The following CLIC5 variants were observed in gnomAD, a reference collection of about 807,000 sequenced individuals.
CLIC5 encodes CLIC family member 5.
A neutral mutation model predicts 24.7 loss-of-function variants in CLIC5; 20 were observed. The observed-to-expected ratio is 0.81, with a 90% confidence interval of 0.57 to 1.18. The LOEUF (loss-of-function observed/expected upper bound fraction) is 1.18, where lower values mean the gene tolerates loss of function less well. Ranked by LOEUF, CLIC5 falls within the 50% of genes most tolerant of loss-of-function variation. CLIC5 has a pLI of 0.00. For synonymous variants in CLIC5, 159 were observed against 135.6 expected (o/e 1.17, Z -1.20); for missense variants, 341 against 326.1 (o/e 1.05, Z -0.35).
In CLIC5 at chr6:45,980,706, TA is replaced by T. The variant is rs940700803; in HGVS notation, c.64-25463del. Among the ~76,000 whole-genome samples the T allele has an allele frequency of 2.5e-3, 351 of 143,242 alleles. 1 individual carries two copies. Among genetic ancestry groups the T allele is most frequent in the Middle Eastern group, 0.018 (5 of 280 alleles). The allele number at this position is 143,242 out of a possible 152,430, so 94.0% of individuals were successfully genotyped here. On this transcript the variant is annotated intron_variant, in intron 1 of 5. Coordinates refer to ENST00000339561, the MANE Select transcript of CLIC5 (RefSeq NM_016929.5). Reference sequence around the variant, plus strand: ...GTATCGGTTGTATAATTCCAATAATTAAAAAAAAAAAACCTAGAAAGAAACC... The same window carrying T: ...GTATCGGTTGTATAATTCCAATAATTAAAAAAAAAAACCTAGAAAGAAACC...
intron 1 of CLIC5, among the ~76,000 whole-genome samples, chr6:45,977,180 C>CATCTT (rs1356172311): frequency 6.6e-6 from 1 of 152,032 alleles, no homozygotes; most frequent in Admixed American, 6.6e-5. Flanking sequence ...GTAACTTTTT[C>CATCTT]ATTCTTTATT....
chr6:46,125,913 G>C, the CLIC5 span, among the ~76,000 whole-genome samples: 1 of 152,192 alleles, frequency 6.6e-6, no homozygotes, highest in Non-Finnish European at 1.5e-5. Context: ...AAAAGTTTCA[G>C]AATTGAGTCT....
chr6:45,945,464 GC>G (rs576851299), intron 3 of CLIC5, among the ~76,000 whole-genome samples: 402 of 152,080 alleles, frequency 2.6e-3, no homozygotes, highest in African/African-American at 9.3e-3. Flanking sequence ...TGCAGGCCTG[GC>G]CCTGCAAAAC....
At chr6:45,974,960 A>G (rs1486372156) in intron 1 of CLIC5, among the ~76,000 whole-genome samples, 1 of 152,190 alleles carries the variant, frequency 6.6e-6, no homozygotes, top group African/African-American at 2.4e-5. Context: ...CTTATGAAAG[A>G]ACTTACAGTT....
exon 1 of CLIC5, chr6:46,080,181 A>G: frequency 6.4e-7 from 1 of 1,551,532 alleles, no homozygotes; most frequent in African/African-American, 1.4e-5. Context: ...CTGGTCTGGA[A>G]CCTCATACGT....
At chr6:46,075,970 T>C (rs1299459447) in intron 1 of CLIC5, among the ~76,000 whole-genome samples, 6 of 152,220 alleles carry the variant, frequency 3.9e-5, no homozygotes, top group Non-Finnish European at 8.8e-5. Flanking sequence ...ACAATCCCAA[T>C]GCTCCACTGC....
intron 1 of CLIC5, among the ~76,000 whole-genome samples, chr6:45,957,439 G>A (rs955274202): frequency 1.3e-5 from 2 of 152,124 alleles, no homozygotes; most frequent in African/African-American, 4.8e-5. Context: ...CAGGACGAAC[G>A]CAGGTGGTCT....
intron 3 of CLIC5, among the ~76,000 whole-genome samples, chr6:45,944,391 A>G (rs906002733): frequency 1.3e-5 from 2 of 152,126 alleles, no homozygotes; most frequent in African/African-American, 4.8e-5. Flanking sequence ...AAGGGCCCAC[A>G]AAGCCAAAAA....
the CLIC5 span, among the ~76,000 whole-genome samples, chr6:46,111,104 T>G: frequency 6.6e-6 from 1 of 152,138 alleles, no homozygotes; most frequent in African/African-American, 2.4e-5. Context: ...TCTTTCCTTG[T>G]TACAAGTCTC....
chr6:45,951,615 G>A (rs1026537407), intron 2 of CLIC5, among the ~76,000 whole-genome samples: 12 of 152,282 alleles, frequency 7.9e-5, no homozygotes, highest in South Asian at 4.2e-4. Context: ...GGGGAAAATG[G>A]GAAAGGGGAG....
intron 1 of CLIC5, among the ~76,000 whole-genome samples, chr6:46,003,111 T>C (rs1459790819): frequency 6.6e-6 from 1 of 152,158 alleles, no homozygotes; most frequent in Non-Finnish European, 1.5e-5. Flanking sequence ...CATCTGTAAA[T>C]TGGGAATAGT....
intron 1 of CLIC5, among the ~76,000 whole-genome samples, chr6:46,004,464 T>C (rs1021372362): frequency 5.3e-5 from 8 of 152,220 alleles, no homozygotes; most frequent in Non-Finnish European, 1.0e-4. Context: ...TGGCTGACTG[T>C]AGAGAGCCCA....
rs1356105028 is a variant in CLIC5, at chr6:46,005,998, A to T, written c.63+9482T>A. 2.6e-3 allele frequency among the ~76,000 whole-genome samples: 299 copies of T among 115,554 alleles called. 5 individuals are homozygous for T. Among genetic ancestry groups the T allele is most frequent in the African/African-American group, 1.0e-2 (287 of 28,708 alleles). 75.8% of individuals were successfully genotyped at this position (115,554 alleles called of 152,430 possible). A position where few individuals can be genotyped will look rare whatever the true frequency, so the allele number is the denominator to read the frequency against. ...TATGTGTGTATATATATATATATAT[A>T]TTTATATATATATATATACACACAT... On this transcript the variant is annotated intron_variant, in intron 1 of 5. Coordinates refer to ENST00000339561, the MANE Select transcript of CLIC5 (RefSeq NM_016929.5).
chr6:45,913,314 G>A (rs896884907), intron 5 of CLIC5, among the ~76,000 whole-genome samples: 2 of 152,184 alleles, frequency 1.3e-5, no homozygotes, highest in African/African-American at 2.4e-5. Context: ...GAAAGAATGG[G>A]GGAAGAAGTG....
At chr6:46,083,152 T>C (rs1174383646), upstream of CLIC5, among the ~76,000 whole-genome samples, 1 of 152,258 alleles carries the variant, frequency 6.6e-6, no homozygotes, top group Non-Finnish European at 1.5e-5. Context: ...AGCTGCCTAT[T>C]AAATATTTGT....
At chr6:46,110,354 C>A in the CLIC5 span, among the ~76,000 whole-genome samples, 58 of 152,318 alleles carry the variant, frequency 3.8e-4, no homozygotes, top group East Asian at 0.011. Flanking sequence ...TTTACTCCAC[C>A]GGACTTTGTC....
chr6:45,895,466 T>A (rs1470938217), downstream of CLIC5, among the ~76,000 whole-genome samples: 2 of 152,218 alleles, frequency 1.3e-5, no homozygotes, highest in Non-Finnish European at 2.9e-5. Context: ...GGAAGCATAT[T>A]TAACTAACAC....
At chr6:46,094,140 G>T in the CLIC5 span, among the ~76,000 whole-genome samples, 1 of 152,158 alleles carries the variant, frequency 6.6e-6, no homozygotes, top group Non-Finnish European at 1.5e-5. Flanking sequence ...CACTAAATGG[G>T]AAATCTGGCT....
intron 4 of CLIC5, chr6:45,918,831 G>A (rs139233288): frequency 4.6e-6 from 2 of 437,592 alleles, no homozygotes; most frequent in East Asian, 3.2e-4. Context: ...CAGTGAGCTA[G>A]GGATGTTTAT....
Sources: allele counts gnomAD v4.1 joint callset (sites outside exome capture counted in the v4.1 genomes callset), GRCh38; gene constraint gnomAD v4.1.1; transcripts MANE v1.5; gene names NCBI Gene and HGNC (gene_info 2026-07-23, HGNC 2026-07-21).